GLO1: variants seen among roughly 807,000 people sequenced by gnomAD.
GLO1 encodes lactoylglutathione lyase.
GLO1 carries 28 observed loss-of-function variants against 26.0 expected under a neutral mutation model. That is an observed-to-expected ratio of 1.08 (90% CI 0.80 to 1.48). The LOEUF is 1.48. GLO1 is among the 40% of genes most tolerant of loss of function. GLO1 has a pLI of 0.00. For synonymous variants in GLO1, 78 were observed against 77.6 expected (o/e 1.00, Z -0.03); for missense variants, 225 against 224.8 (o/e 1.00, Z -0.01).
chr6:38,692,606 G>T (rs1342925680), intron 1 of GLO1, among the ~76,000 whole-genome samples: 1 of 151,872 alleles, frequency 6.6e-6, no homozygotes, highest in Non-Finnish European at 1.5e-5. Flanking sequence ...AGACATCCTT[G>T]TCTTATTACC....
At chr6:38,702,017 G>A (rs907210984) in intron 1 of GLO1, among the ~76,000 whole-genome samples, 1 of 148,958 alleles carries the variant, frequency 6.7e-6, no homozygotes, top group Non-Finnish European at 1.5e-5. Context: ...TGCAAGCTCC[G>A]CCTCCCGGGT....
chr6:38,680,492 A>G (rs1421297567), intron 5 of GLO1, among the ~76,000 whole-genome samples: 2 of 152,200 alleles, frequency 1.3e-5, no homozygotes, highest in East Asian at 1.9e-4. Context: ...TTGCACTCCA[A>G]CCTGGGCAAC....
chr6:38,686,321 T>C (rs1032050010), intron 2 of GLO1, among the ~76,000 whole-genome samples: 1 of 152,216 alleles, frequency 6.6e-6, no homozygotes, highest in Non-Finnish European at 1.5e-5. Context: ...AAAAGCAAAA[T>C]GCTCACATAA....
intron 1 of GLO1, among the ~76,000 whole-genome samples, chr6:38,702,538 A>G (rs145904655): frequency 1.8e-3 from 277 of 152,294 alleles, no homozygotes; most frequent in African/African-American, 6.3e-3. Context: ...ACTTAGAGCG[A>G]TCAAATTAGT....
intron 1 of GLO1, among the ~76,000 whole-genome samples, chr6:38,691,528 C>T (rs1191473203): frequency 1.3e-5 from 2 of 152,060 alleles, no homozygotes; most frequent in African/African-American, 2.4e-5. Context: ...AGGCTGATCT[C>T]AAACTCCTGA....
At chr6:38,679,296 T>TA (rs144118211) in intron 5 of GLO1, among the ~76,000 whole-genome samples, 2,704 of 150,336 alleles carry the variant, frequency 0.018, 64 homozygotes, top group African/African-American at 0.053. Context: ...CCAGATAATT[T>TA]AAAAAAAAAC....
rs528536145 is a variant in GLO1, at chr6:38,697,220, T to A, written c.84+5751A>T. Among the ~76,000 whole-genome samples the A allele has an allele frequency of 3.9e-5, 6 of 152,264 alleles. No individual in the cohort carries two copies. In the East Asian group the frequency reaches 1.2e-3, roughly 29 times the overall value. ...GAGCCACCGGGCCTGGCCCAGAAAG[T>A]CTTCTTAAGGCTCAACTAAACATCC... On this transcript the variant is annotated intron_variant, in intron 1 of 5. Coordinates refer to ENST00000373365, the MANE Select transcript of GLO1 (RefSeq NM_006708.3).
chr6:38,699,777 G>A (rs13196356), intron 1 of GLO1, among the ~76,000 whole-genome samples: 16,484 of 152,054 alleles, frequency 0.11, 1,060 homozygotes, highest in Middle Eastern at 0.19. Flanking sequence ...CCGCTTCTCT[G>A]CTCTCGAACC....
Position 38,686,943 on chromosome 6 carries a change from A to C in GLO1, c.116T>G (p.Val39Gly). ...DFLLQQTMLR[V>G]KDPKKSLDFY... ...ATCCAGTGACTTCTTAGGATCCTTC[A>C]CTCGTAGCATGGTCTGCTGCAATAG... is the stretch of plus-strand genomic sequence containing the variant. The change falls in exon 2 of 6, where the codon GTG (valine) becomes GGG (glycine). Residue 39 changes from valine to glycine, a missense_variant. Coordinates refer to ENST00000373365, the MANE Select transcript of GLO1 (RefSeq NM_006708.3). 1 of 1,607,086 alleles carries C rather than the reference A, an allele frequency of 6.2e-7. No homozygotes were observed. The highest frequency in any genetic ancestry group is 8.5e-7 in the Non-Finnish European group (1 of 1,173,740).
Position 38,703,039 on chromosome 6 carries a change from G to A in GLO1, c.16C>T (p.Pro6Ser), listed in dbSNP as rs1761731961. ...TCGTCCGTGAGGCCGCCGGACGGGG[G>A]CTGCGGTTCTGCCATGGCTGCGCTG... MAEPQ[P>S]PSGGLTDEAA... The change falls in exon 1 of 6, where the codon CCC becomes TCC. Residue 6 changes from proline (P) to serine (S), a missense_variant. Transcript: ENST00000373365. The A allele has an allele frequency of 6.3e-7, 1 of 1,589,016 alleles. No homozygotes were observed. Among genetic ancestry groups the A allele is most frequent in the Non-Finnish European group, 8.6e-7 (1 of 1,162,358 alleles).
chr6:38,702,919 G>A (rs1761726725), intron 1 of GLO1, 52 bp downstream of exon 1: 1 of 1,059,628 alleles, frequency 9.4e-7, no homozygotes, highest in Non-Finnish European at 1.5e-6. Context: ...AATGCGGCCC[G>A]GTCCCGGCCC....
At chr6:38,699,942 A>G (rs575570217) in intron 1 of GLO1, among the ~76,000 whole-genome samples, 1 of 151,110 alleles carries the variant, frequency 6.6e-6, no homozygotes, top group South Asian at 2.1e-4. Flanking sequence ...GATCTTTGTT[A>G]GACCCTTATT....
At chr6:38,693,681 C>CTATATATATATA in intron 1 of GLO1, among the ~76,000 whole-genome samples, 1 of 94,370 alleles carries the variant, frequency 1.1e-5, no homozygotes, top group African/African-American at 4.0e-5. Context: ...CTCTCTCTCT[C>CTATATATATATA]TCTCTATATA....
chr6:38,685,015 C>T (rs542726627), intron 2 of GLO1, among the ~76,000 whole-genome samples: 1 of 152,180 alleles, frequency 6.6e-6, no homozygotes, highest in East Asian at 1.9e-4. Flanking sequence ...TCACAGAAGA[C>T]GTGAATGTCA....
At chr6:38,698,520 G>A (rs929416952) in intron 1 of GLO1, among the ~76,000 whole-genome samples, 7 of 148,600 alleles carry the variant, frequency 4.7e-5, no homozygotes, top group Non-Finnish European at 8.9e-5. Context: ...TATATGGAAC[G>A]ATGTGAAAAT....
intron 1 of GLO1, 38 bp downstream of exon 1, chr6:38,702,933 G>A (rs780352687): frequency 2.5e-6 from 3 of 1,184,624 alleles, no homozygotes; most frequent in Non-Finnish European, 3.8e-6. Context: ...CCGGCCCAGC[G>A]GAGCTGGGGG....
intron 2 of GLO1, 29 bp from the exon 3 acceptor site, chr6:38,684,543 C>T (rs1761435298): frequency 7.1e-7 from 1 of 1,414,714 alleles, no homozygotes; most frequent in Admixed American, 2.4e-5. Flanking sequence ...AAGCCTGAAT[C>T]ATTAACAACA....
At chr6:38,695,819 G>A (rs1259518946) in intron 1 of GLO1, among the ~76,000 whole-genome samples, 1 of 152,202 alleles carries the variant, frequency 6.6e-6, no homozygotes, top group African/African-American at 2.4e-5. Flanking sequence ...TCCAGGTCCT[G>A]TGGCTAGAGA....
intron 1 of GLO1, among the ~76,000 whole-genome samples, chr6:38,698,742 T>C (rs1487125378): frequency 6.8e-6 from 1 of 148,050 alleles, no homozygotes; most frequent in African/African-American, 2.5e-5. Context: ...CCCAGAGAGA[T>C]TGCCCAAAAT....
Sources: allele counts gnomAD v4.1 joint callset (sites outside exome capture counted in the v4.1 genomes callset), GRCh38; gene constraint gnomAD v4.1.1; transcripts MANE v1.5; gene names NCBI Gene and HGNC (gene_info 2026-07-23, HGNC 2026-07-21).